The following AGBL1 variants were observed in gnomAD, a reference collection of about 807,000 sequenced individuals.
AGBL1 encodes AGBL carboxypeptidase 1.
In AGBL1, 130 loss-of-function variants were observed where a neutral mutation model predicts 118.9. The ratio of observed to expected loss-of-function variants is 1.09; its 90% confidence interval spans 0.95 to 1.26. AGBL1 has a LOEUF of 1.26. Among genes scored for constraint, AGBL1 ranks in the 50% most tolerant of loss-of-function variants. AGBL1 has a pLI of 0.00. For synonymous variants in AGBL1, 555 were observed against 478.9 expected, an observed-to-expected ratio of 1.16 and a Z score of -2.08; for missense variants, 1,584 against 1,298.1, an observed-to-expected ratio of 1.22 and a Z score of -3.38.
intron 22 of AGBL1, among the ~76,000 whole-genome samples, chr15:86,773,500 C>G (rs1043271648): frequency 9.1e-6 from 1 of 110,322 alleles, no homozygotes; most frequent in Non-Finnish European, 1.8e-5. Context: ...TATCCCTCCC[C>G]CCTCCCCCCA....
rs145019363 is a variant in AGBL1, at chr15:86,998,432, A to G, written c.3323+10344A>G. ...CCTTGAAGAACTGAATTTTGCCAGC[A>G]GACACATGAATTGGGAGTGGATACT... On this transcript the variant is annotated intron_variant, in intron 24 of 24. Transcript: ENST00000441037. Among the ~76,000 whole-genome samples the G allele has an allele frequency of 8.7e-3, 1,323 of 152,278 alleles. 12 individuals are homozygous for G. Among genetic ancestry groups the G allele is most frequent in the African/African-American group, 0.029 (1,211 of 41,570 alleles).
chr15:86,861,736 C>T (rs2079561239), intron 22 of AGBL1, among the ~76,000 whole-genome samples: 1 of 152,162 alleles, frequency 6.6e-6, no homozygotes, highest in Non-Finnish European at 1.5e-5. Flanking sequence ...CATCAATGTC[C>T]TCAGTATGCC....
chr15:86,325,180 C>T (rs2080166752), intron 17 of AGBL1, among the ~76,000 whole-genome samples: 1 of 151,966 alleles, frequency 6.6e-6, no homozygotes, highest in African/African-American at 2.4e-5. Flanking sequence ...AAGGAAAACA[C>T]GGAGTGATTT....
intron 1 of AGBL1, chr15:86,086,181 G>C (rs768202723): frequency 6.6e-6 from 1 of 152,166 alleles, no homozygotes; most frequent in Non-Finnish European, 1.5e-5. Context: ...GATCTTATGA[G>C]AACCAAACAC....
At chr15:86,823,773 A>G (rs1229488804) in intron 22 of AGBL1, among the ~76,000 whole-genome samples, 1 of 152,124 alleles carries the variant, frequency 6.6e-6, no homozygotes, top group Non-Finnish European at 1.5e-5. Context: ...CAAAGACCCT[A>G]AAGCAAATTT....
At position 86,609,723 on chromosome 15, in the gene AGBL1, C is replaced by T. The variant is rs117647319; in HGVS notation, c.2994+55186C>T. Among the ~76,000 whole-genome samples the T allele has an allele frequency of 4.6e-5, 7 of 152,158 alleles. No homozygotes were observed. In the East Asian group the frequency reaches 1.4e-3, roughly 29 times the overall value. On this transcript the variant is annotated intron_variant, in intron 21 of 22. Coordinates refer to ENST00000614907, the MANE Select transcript of AGBL1 (RefSeq NM_001386094.1). Reference sequence around the variant, plus strand: ...AGAATTGTTACAATAGCCAGGTGAACAATGCATGCTTTCTCAAAAAGTTAG... The same window carrying T: ...AGAATTGTTACAATAGCCAGGTGAATAATGCATGCTTTCTCAAAAAGTTAG...
chr15:86,811,632 T>C (rs985032976), intron 22 of AGBL1, among the ~76,000 whole-genome samples: 1 of 152,162 alleles, frequency 6.6e-6, no homozygotes, highest in Non-Finnish European at 1.5e-5. Flanking sequence ...TCAGCAATCA[T>C]GGAATAATCT....
chr15:86,159,207 T>C lies in AGBL1; in HGVS notation c.488+181T>C, dbSNP rs1472151666. ...CCCTCCACACCCATGAGTCATTTCC[T>C]CTAATTCTCATCAAAACCCTGAATG... On this transcript the variant is annotated intron_variant, in intron 5 of 22. Transcript: ENST00000614907. Among the ~76,000 whole-genome samples, 4 of 152,154 alleles carry C rather than the reference T, an allele frequency of 2.6e-5. No individual in the cohort carries two copies. The East Asian group carries it at 7.7e-4, about 29-fold the overall frequency.
intron 18 of AGBL1, among the ~76,000 whole-genome samples, chr15:86,450,399 G>C (rs1358772093): frequency 1.3e-5 from 2 of 152,220 alleles, no homozygotes; most frequent in Non-Finnish European, 2.9e-5. Context: ...CGGATGTACA[G>C]TCAGCGGTAA....
Position 86,921,884 on chromosome 15 carries a change from T to C in AGBL1, c.3222-66103T>C, listed in dbSNP as rs539407259. ...TATCCTTCAGGAGCAGTTGATCTAG[T>C]AACGACATTTGAGATGTTCAAGGTA... On this transcript the variant is annotated intron_variant, in intron 23 of 24. Coordinates refer to the AGBL1 transcript ENST00000441037. 2.6e-5 allele frequency among the ~76,000 whole-genome samples: 4 copies of C among 152,310 alleles called. No individual in the cohort carries two copies. The East Asian group carries it at 7.7e-4, about 29-fold the overall frequency.
chr15:86,442,160 G>T (rs2082071859), intron 18 of AGBL1, among the ~76,000 whole-genome samples: 1 of 152,228 alleles, frequency 6.6e-6, no homozygotes, highest in Non-Finnish European at 1.5e-5. Context: ...TATGTGGTGT[G>T]TGGTATTCAG....
intron 6 of AGBL1, among the ~76,000 whole-genome samples, chr15:86,237,023 T>C (rs914162278): frequency 3.3e-5 from 5 of 149,562 alleles, no homozygotes; most frequent in Admixed American, 1.3e-4. Flanking sequence ...CAGTTTCTAA[T>C]GGTGGACTCA....
chr15:86,105,213 G>A (rs1249344862), intron 1 of AGBL1: 1 of 152,150 alleles, frequency 6.6e-6, no homozygotes, highest in Non-Finnish European at 1.5e-5. Flanking sequence ...CTGATTCCTT[G>A]TTGAGCTATG....
At chr15:86,982,318 T>C (rs1218578365) in intron 23 of AGBL1, among the ~76,000 whole-genome samples, 1 of 152,222 alleles carries the variant, frequency 6.6e-6, no homozygotes, top group Admixed American at 6.5e-5. Context: ...CTCACTCATG[T>C]TGATACCTAT....
chr15:86,212,426 T>C (rs527780284), intron 5 of AGBL1, among the ~76,000 whole-genome samples: 9 of 152,144 alleles, frequency 5.9e-5, no homozygotes, highest in Non-Finnish European at 1.3e-4. Flanking sequence ...GGTGAGTAGA[T>C]AGGGGAGGAA....
intron 22 of AGBL1, among the ~76,000 whole-genome samples, chr15:86,731,466 A>G (rs2077526715): frequency 6.6e-6 from 1 of 152,214 alleles, no homozygotes; most frequent in African/African-American, 2.4e-5. Context: ...CACCAACAAT[A>G]AATATTCTGC....
In AGBL1 at chr15:86,334,711, G is replaced by A. The variant is rs190025563; in HGVS notation, c.2374+39303G>A. Among the ~76,000 whole-genome samples the A allele has an allele frequency of 2.1e-3, 317 of 151,722 alleles. 1 individual carries two copies. Among genetic ancestry groups the A allele is most frequent in the African/African-American group, 6.7e-3 (278 of 41,464 alleles). ...AACAGCCCGAATAGCCAAAGCAATC[G>A]TAAGCAGAAAGAACAAACCTGGAGG... is the stretch of plus-strand genomic sequence containing the variant. On this transcript the variant is annotated intron_variant, in intron 17 of 22. Transcript: ENST00000614907.
At chr15:86,937,445 C>T (rs576028385) in intron 23 of AGBL1, among the ~76,000 whole-genome samples, 1 of 152,302 alleles carries the variant, frequency 6.6e-6, no homozygotes, top group African/African-American at 2.4e-5. Flanking sequence ...AATACATATA[C>T]TCCATGGAAT....
intron 22 of AGBL1, among the ~76,000 whole-genome samples, chr15:86,735,602 C>CTGTGTG (rs35147328): frequency 0.027 from 3,788 of 141,916 alleles, 81 homozygotes; most frequent in Middle Eastern, 0.058. Context: ...GAGATACAGA[C>CTGTGTG]TGTGTGTGTG....
Sources: allele counts gnomAD v4.1 joint callset (sites outside exome capture counted in the v4.1 genomes callset), GRCh38; gene constraint gnomAD v4.1.1; transcripts MANE v1.5; gene names NCBI Gene and HGNC (gene_info 2026-07-23, HGNC 2026-07-21).